Variants in OAF observed in about 807,000 individuals in gnomAD.
OAF encodes out at first protein homolog.
OAF carries 13 observed loss-of-function variants against 22.5 expected under a neutral mutation model. The observed-to-expected ratio is 0.58, with a 90% CI of 0.38 to 0.92. The LOEUF (loss-of-function observed/expected upper bound fraction) is 0.92. Ranked by LOEUF, OAF falls within the 40% of genes least tolerant of loss-of-function variation. The probability of loss-of-function intolerance (pLI) is 0.00; values close to 1 mark genes in which losing one functional copy is unlikely to be tolerated. For synonymous variants in OAF, 175 were observed against 170.5 expected (o/e 1.03, Z -0.21); for missense variants, 347 against 381.8 (o/e 0.91, Z 0.76).
chr11:120,211,313 G>T lies in OAF; in HGVS notation c.34G>T (p.Ala12Ser), dbSNP rs776338575. ...RLPGVPLARPALLLLLPLLAP... is the reference protein window; with the variant it reads ...RLPGVPLARPSLLLLLPLLAP... ...TCCCGGGGTACCCCTGGCGCGCCCT[G>T]CGCTGCTGCTGCTGCTGCCGCTGCT... Residue 12 changes from alanine (A) to serine (S), a missense_variant, in exon 1 of 4, where the codon GCG becomes TCG. Ala to Ser is a moderately conservative substitution (Grantham distance 99). Transcript: ENST00000328965. 9 of 1,368,230 alleles carry T rather than the reference G, an allele frequency of 6.6e-6. No individual in the cohort carries two copies. Among genetic ancestry groups the T allele is most frequent in the Non-Finnish European group, 8.5e-6 (9 of 1,063,090 alleles). The allele number at this position is 1,368,230 out of a possible 1,614,324, so 84.8% of individuals were successfully genotyped here.
chr11:120,225,630 CA>C (rs1479420391), intron 1 of OAF, 30 bp from the exon 2 acceptor site: 1 of 1,558,302 alleles, frequency 6.4e-7, no homozygotes, highest in Non-Finnish European at 8.7e-7. Flanking sequence ...CCACACCCTC[CA>C]GCCGTTCCCA....
chr11:120,229,366 G>GT lies in OAF; in HGVS notation c.*224_*225insT. Reference sequence around the variant, plus strand: ...ATTCCCACCCTGTGCCTTCCTTGCGGGCAGAGAGGGAGAGAAGGGCTCCCC... The same window carrying GT: ...ATTCCCACCCTGTGCCTTCCTTGCGGTGCAGAGAGGGAGAGAAGGGCTCCCC... On this transcript the variant is annotated 3_prime_UTR_variant, in exon 4 of 4. Coordinates refer to ENST00000328965, the MANE Select transcript of OAF (RefSeq NM_178507.4). The GT allele has an allele frequency of 1.9e-6, 1 of 537,236 alleles. No homozygotes were observed. The highest frequency in any genetic ancestry group is 2.2e-5 in the South Asian group (1 of 45,748). The allele number at this position is 537,236 out of a possible 1,614,324, so 33.3% of individuals were successfully genotyped here.
chr11:120,225,264 C>T (rs1344312711), intron 1 of OAF, among the ~76,000 whole-genome samples: 1 of 149,822 alleles, frequency 6.7e-6, no homozygotes, highest in African/African-American at 2.5e-5. Flanking sequence ...CTAGCCATTA[C>T]AACTACAAAG....
chr11:120,216,276 C>T (rs371664829), intron 1 of OAF, among the ~76,000 whole-genome samples: 1 of 152,142 alleles, frequency 6.6e-6, no homozygotes, highest in Non-Finnish European at 1.5e-5. Flanking sequence ...CACCTAAGAA[C>T]GTGTATCCCA....
At chr11:120,213,275 C>T (rs975599701) in intron 1 of OAF, among the ~76,000 whole-genome samples, 3 of 145,590 alleles carry the variant, frequency 2.1e-5, no homozygotes, top group South Asian at 2.3e-4. Flanking sequence ...TGGCTGATGG[C>T]GGGGGTGGGG....
chr11:120,226,872 C>T lies in OAF; in HGVS notation c.423C>T (p.His141=). ...AEEVRGLEHL[H]MDVAVNFSQG... ...AGGTTCGGGGTCTGGAGCATCTGCA[C>T]ATGGATGTCGCTGTCAACTTCAGCC... Residue 141 remains histidine (H), a synonymous_variant, in exon 3 of 4, where the codon CAC becomes CAT. Coordinates refer to ENST00000328965, the MANE Select transcript of OAF (RefSeq NM_178507.4). 1 of 1,612,612 alleles carries T rather than the reference C, an allele frequency of 6.2e-7. No individual in the cohort carries two copies. Among genetic ancestry groups the T allele is most frequent in the Non-Finnish European group, 8.5e-7 (1 of 1,178,962 alleles).
Position 120,229,365 on chromosome 11 carries a change from G to GGTTT in OAF, c.*224_*225insTTTG. ...CATTCCCACCCTGTGCCTTCCTTGC[G>GGTTT]GGCAGAGAGGGAGAGAAGGGCTCCC... On this transcript the variant is annotated 3_prime_UTR_variant, in exon 4 of 4. Coordinates refer to ENST00000328965, the MANE Select transcript of OAF (RefSeq NM_178507.4). 1 of 544,594 alleles carries GGTTT rather than the reference G, an allele frequency of 1.8e-6. No homozygotes were observed. The allele number at this position is 544,594 out of a possible 1,614,324, so 33.7% of individuals were successfully genotyped here.
intron 2 of OAF, among the ~76,000 whole-genome samples, chr11:120,226,104 C>T (rs1304551011): frequency 1.3e-5 from 2 of 152,216 alleles, no homozygotes; most frequent in African/African-American, 4.8e-5. Context: ...AACCCCAACT[C>T]TCAGATTTCT....
At chr11:120,212,706 T>G (rs1377816919) in intron 1 of OAF, among the ~76,000 whole-genome samples, 1 of 150,456 alleles carries the variant, frequency 6.6e-6, no homozygotes, top group African/African-American at 2.4e-5. Context: ...ATTGCCATAG[T>G]TAGCAGGGGT....
chr11:120,224,501 C>T (rs767731617), intron 1 of OAF, among the ~76,000 whole-genome samples: 37 of 152,288 alleles, frequency 2.4e-4, no homozygotes, highest in Non-Finnish European at 4.4e-4. Flanking sequence ...AGCTTCGGGG[C>T]GGAGCTGTGA....
At chr11:120,216,009 G>A (rs993441793) in intron 1 of OAF, among the ~76,000 whole-genome samples, 3 of 152,224 alleles carry the variant, frequency 2.0e-5, no homozygotes, top group Non-Finnish European at 4.4e-5. Flanking sequence ...GAGCCCTGGA[G>A]GGAATAAGCA....
intron 1 of OAF, among the ~76,000 whole-genome samples, chr11:120,224,631 C>G (rs1463514775): frequency 6.6e-6 from 1 of 152,070 alleles, no homozygotes; most frequent in African/African-American, 2.4e-5. Context: ...GAGCTGGGGC[C>G]CGGGCATTAA....
Position 120,230,054 on chromosome 11 carries a change from C to T in OAF, c.*912C>T, listed in dbSNP as rs947017277. On this transcript the variant is annotated 3_prime_UTR_variant, in exon 4 of 4. Coordinates refer to ENST00000328965, the MANE Select transcript of OAF (RefSeq NM_178507.4). The stretch of plus-strand genomic sequence containing the variant: ...TCTTGGAACAAGAACTTCGAAAGCA[C>T]CTACTGTGTGCTCAGCCATTTGAGG... 6.6e-6 allele frequency: 1 copy of T among 152,176 alleles called. No homozygotes were observed. Among genetic ancestry groups the T allele is most frequent in the Non-Finnish European group, 1.5e-5 (1 of 68,048 alleles). The allele number at this position is 152,176 out of a possible 1,614,324, so 9.4% of individuals were successfully genotyped here.
chr11:120,225,930 A>G, intron 2 of OAF, 135 bp downstream of exon 2: 3 of 729,004 alleles, frequency 4.1e-6, no homozygotes, highest in Non-Finnish European at 6.6e-6. Flanking sequence ...CTAAGCTCTG[A>G]TTCCCCAACC....
chr11:120,223,866 C>G (rs1221490434), intron 1 of OAF, among the ~76,000 whole-genome samples: 3 of 152,198 alleles, frequency 2.0e-5, no homozygotes, highest in Non-Finnish European at 2.9e-5. Flanking sequence ...AGGGACATGG[C>G]CTGGCTCAAG....
At chr11:120,227,615 T>A (rs1236874229) in intron 3 of OAF, among the ~76,000 whole-genome samples, 1 of 152,124 alleles carries the variant, frequency 6.6e-6, no homozygotes, top group Non-Finnish European at 1.5e-5. Flanking sequence ...CCATACTGCA[T>A]GGTCCCTGCC....
At chr11:120,216,265 C>T (rs1261161480) in intron 1 of OAF, among the ~76,000 whole-genome samples, 1 of 152,176 alleles carries the variant, frequency 6.6e-6, no homozygotes, top group East Asian at 1.9e-4. Context: ...GTCCACGTTG[C>T]CACCTAAGAA....
intron 1 of OAF, among the ~76,000 whole-genome samples, chr11:120,218,469 C>A (rs1379309452): frequency 6.6e-6 from 1 of 152,230 alleles, no homozygotes; most frequent in Non-Finnish European, 1.5e-5. Context: ...CTCCCCTCCC[C>A]AGCCCAGCGA....
In OAF at chr11:120,211,292, G is replaced by C; in HGVS notation, c.13G>C (p.Gly5Arg). 8.0e-7 allele frequency: 1 copy of C among 1,256,910 alleles called. No individual in the cohort carries two copies. The highest frequency in any genetic ancestry group is 3.2e-5 in the East Asian group (1 of 31,106). The allele number at this position is 1,256,910 out of a possible 1,614,324, so 77.9% of individuals were successfully genotyped here. The part of the protein sequence containing the change: MRLP[G>R]VPLARPALLL... ...GCGGCCCCCGGGGATGCGCCTTCCC[G>C]GGGTACCCCTGGCGCGCCCTGCGCT... Residue 5 changes from glycine to arginine, a missense_variant, in exon 1 of 4, where the codon GGG becomes CGG. Transcript: ENST00000328965.
Sources: gnomAD v4.1 joint callset for allele counts (sites outside exome capture counted in the v4.1 genomes callset) on GRCh38, gnomAD v4.1.1 for gene constraint, MANE v1.5 for transcripts, NCBI Gene and HGNC (gene_info 2026-07-23, HGNC 2026-07-21) for gene names.